Variants in RAD52 observed in about 807,000 individuals in gnomAD.
RAD52 encodes the protein DNA repair protein RAD52 homolog.
Under a neutral mutation model 55.5 loss-of-function variants are expected in RAD52, and 47 were observed. The observed-to-expected ratio is 0.85, with a 90% CI of 0.67 to 1.08. RAD52 has a LOEUF of 1.08. Ranked by LOEUF, RAD52 falls within the 50% of genes least tolerant of loss-of-function variation. The pLI, the probability that RAD52 is intolerant of heterozygous loss-of-function variation, is 0.00. For synonymous variants in RAD52, 184 were observed against 198.9 expected, an observed-to-expected ratio of 0.92 and a Z score of 0.63; for missense variants, 468 against 522.8, an observed-to-expected ratio of 0.90 and a Z score of 1.02.
intron 1 of RAD52, among the ~76,000 whole-genome samples, chr12:941,182 A>G (rs1957900540): frequency 6.6e-6 from 1 of 152,264 alleles, no homozygotes; most frequent in Non-Finnish European, 1.5e-5. Flanking sequence ...GTAGAGAATG[A>G]TAACACATTA....
intron 1 of RAD52, among the ~76,000 whole-genome samples, chr12:971,794 C>CT (rs1248566665): frequency 2.1e-4 from 32 of 151,992 alleles, no homozygotes; most frequent in African/African-American, 7.0e-4. Context: ...GTCGCCCAGG[C>CT]TGGAGTGCAG....
rs1555176185 is a variant in RAD52, at chr12:939,052, T to TTGTGTGTGTGTG, written c.-18-5988_-18-5977dup. Among the ~76,000 whole-genome samples, 158 of 141,116 alleles carry TTGTGTGTGTGTG rather than the reference T, an allele frequency of 1.1e-3. 1 individual carries two copies. Among genetic ancestry groups the TTGTGTGTGTGTG allele is most frequent in the African/African-American group, 3.0e-3 (115 of 37,808 alleles). The allele number at this position is 141,116 out of a possible 152,430, so 92.6% of individuals were successfully genotyped here. A position where few individuals can be genotyped will look rare whatever the true frequency, so the allele number is the denominator to read the frequency against. Reference sequence around the variant, plus strand: ...ACTTACTCTCAATTCATTCAACTAATTGTGTGTGTGTGTGTGTGTGTGTGT... The same window carrying TTGTGTGTGTGTG: ...ACTTACTCTCAATTCATTCAACTAATTGTGTGTGTGTGTGTGTGTGTGTGTGTGTGTGTGTGT... On this transcript the variant is annotated intron_variant, in intron 1 of 11. Transcript: ENST00000358495.
intron 1 of RAD52, among the ~76,000 whole-genome samples, chr12:938,331 G>A (rs1420040802): frequency 6.6e-6 from 1 of 152,166 alleles, no homozygotes; most frequent in Non-Finnish European, 1.5e-5. Context: ...ACTCTCCAAA[G>A]CATCAGTGTC....
Position 929,867 on chromosome 12 carries a change from A to G in RAD52, c.300T>C (p.Asn100=). ...CACAGACTCCCACGTAGAACTTGCC[A>G]TTGTTGAGGTCAACAAAATCTAGGA... ...QQNVDFVDLN[N]GKFYVGVCAF... The change falls in exon 5 of 12, where the codon AAT becomes AAC. Residue 100 remains asparagine, a synonymous_variant. Transcript: ENST00000358495. 6.2e-7 allele frequency: 1 copy of G among 1,614,050 alleles called. No individual in the cohort carries two copies. Among genetic ancestry groups the G allele is most frequent in the Non-Finnish European group, 8.5e-7 (1 of 1,179,910 alleles).
chr12:978,863 G>A (rs58319213), intron 1 of RAD52, among the ~76,000 whole-genome samples: 20,723 of 150,376 alleles, frequency 0.14, 1,906 homozygotes, highest in African/African-American at 0.26. Context: ...CAGAGACTCC[G>A]TCTCTTAAAA....
At chr12:987,939 G>C (rs1959107218) in intron 1 of RAD52, among the ~76,000 whole-genome samples, 2 of 151,770 alleles carry the variant, frequency 1.3e-5, no homozygotes, top group South Asian at 4.2e-4. Context: ...TAAAGTGTTG[G>C]GATTACAGGC....
At chr12:975,054 A>G (rs1958917630) in intron 1 of RAD52, 1 of 152,180 alleles carries the variant, frequency 6.6e-6, no homozygotes. Context: ...ATTATAGTAT[A>G]TTGTTACAAC....
At chr12:949,512 C>CA (rs1958449888) in intron 1 of RAD52, 90 bp downstream of exon 1, 1 of 152,646 alleles carries the variant, frequency 6.6e-6, no homozygotes, top group African/African-American at 2.4e-5. Flanking sequence ...ACCGCAGCCC[C>CA]AGGTTCTCGA....
chr12:936,010 A>C (rs1204209203), intron 1 of RAD52, among the ~76,000 whole-genome samples: 5 of 151,578 alleles, frequency 3.3e-5, no homozygotes, highest in African/African-American at 1.2e-4. Context: ...TCACATTTAA[A>C]GAGCAACTTG....
intron 1 of RAD52, among the ~76,000 whole-genome samples, chr12:969,009 C>T (rs899230575): frequency 2.6e-5 from 4 of 152,084 alleles, no homozygotes; most frequent in Admixed American, 6.5e-5. Flanking sequence ...AAATGGATGG[C>T]TGCATCTGTA....
rs148165100 is a variant in RAD52 at position 912,741 on chromosome 12, AAAAAC to A, written c.*645_*649del. ...CCGTCTCAAAAAAAAAAAAAAAAAA[AAAAAC>A]AAAAAACAGCCTTTTTTCGTGGTCT... On this transcript the variant is annotated 3_prime_UTR_variant, in exon 12 of 12. Transcript: ENST00000358495. 0.016 allele frequency: 1,851 copies of A among 119,358 alleles called. 40 individuals carry two copies. The highest frequency in any genetic ancestry group is 0.024 in the Non-Finnish European group (1,373 of 58,162). The allele number at this position is 119,358 out of a possible 1,614,324, so 7.4% of individuals were successfully genotyped here. A position where few individuals can be genotyped will look rare whatever the true frequency, so the allele number is the denominator to read the frequency against.
intron 1 of RAD52, among the ~76,000 whole-genome samples, chr12:987,782 A>G (rs952836086): frequency 1.3e-5 from 2 of 152,128 alleles, no homozygotes; most frequent in African/African-American, 4.8e-5. Flanking sequence ...GGCTGGTCTT[A>G]AACTCCTGGG....
At chr12:926,452 G>A (rs530314259) in intron 6 of RAD52, among the ~76,000 whole-genome samples, 1 of 152,044 alleles carries the variant, frequency 6.6e-6, no homozygotes, top group African/African-American at 2.4e-5. Flanking sequence ...TGCACTGAGC[G>A]ATGACGGCAC....
intron 7 of RAD52, among the ~76,000 whole-genome samples, chr12:925,033 C>A (rs1285383034): frequency 6.7e-6 from 1 of 150,168 alleles, no homozygotes; most frequent in Non-Finnish European, 1.5e-5. Flanking sequence ...TCACTGCAAG[C>A]TCTGCCTCCC....
chr12:937,059 T>C (rs1592403104), intron 1 of RAD52, among the ~76,000 whole-genome samples: 1 of 152,158 alleles, frequency 6.6e-6, no homozygotes, highest in African/African-American at 2.4e-5. Context: ...TAGAAGTCTA[T>C]GGGAATTAAT....
chr12:913,835 T>G, intron 11 of RAD52, 59 bp downstream of exon 11: 1 of 1,475,114 alleles, frequency 6.8e-7, no homozygotes, highest in Non-Finnish European at 9.4e-7. Flanking sequence ...CCTCAAAAAT[T>G]CCCAGAATTA....
rs960805563 is a variant in RAD52 at position 949,643 on chromosome 12, A to C, written c.-60T>G. 1.3e-5 allele frequency: 2 copies of C among 152,326 alleles called. No individual in the cohort carries two copies. The highest frequency in any genetic ancestry group is 2.9e-5 in the Non-Finnish European group (2 of 68,218). The allele number at this position is 152,326 out of a possible 1,614,324, so 9.4% of individuals were successfully genotyped here. ...GCGGTGCACACAGGGAGCTCGATCT[A>C]GGCTATGGACAAGGGGAAGAGATCT... On this transcript the variant is annotated 5_prime_UTR_variant, in exon 1 of 12. Coordinates refer to ENST00000358495, the MANE Select transcript of RAD52 (RefSeq NM_134424.4).
Position 949,689 on chromosome 12 carries a change from G to C in RAD52, c.-106C>G, listed in dbSNP as rs1958464636. On this transcript the variant is annotated 5_prime_UTR_variant, in exon 1 of 12. Transcript: ENST00000358495. ...GATCTTAGATGGAGGCCGCGCAGAGGAGAATGGGAAGGGTGCGCGAGCGTC... is the reference window on the plus strand; with the variant it reads ...GATCTTAGATGGAGGCCGCGCAGAGCAGAATGGGAAGGGTGCGCGAGCGTC... 6.6e-6 allele frequency: 1 copy of C among 152,284 alleles called. No homozygotes were observed. Among genetic ancestry groups the C allele is most frequent in the South Asian group, 2.1e-4 (1 of 4,834 alleles). The allele number at this position is 152,284 out of a possible 1,614,324, so 9.4% of individuals were successfully genotyped here.
chr12:914,526 G>A lies in RAD52; in HGVS notation c.872C>T (p.Pro291Leu), dbSNP rs1302688211. The change falls in exon 10 of 12, where the codon CCT (proline) becomes CTT (leucine). Residue 291 changes from proline to leucine, a missense_variant. Physicochemically the swap from Pro to Leu is moderately conservative, Grantham distance 98 (BLOSUM62 -3). Coordinates refer to ENST00000358495, the MANE Select transcript of RAD52 (RefSeq NM_134424.4). ...TPSAEKSEAA[P>L]PAPPVTHSTP... ...GCTGTGCGTCACAGGAGGGGCCGGA[G>A]GCGCTGCTACGGTTCACAGAGGAGA... 4 of 1,613,448 alleles carry A rather than the reference G, an allele frequency of 2.5e-6. No individual in the cohort carries two copies. Among genetic ancestry groups the A allele is most frequent in the Non-Finnish European group, 3.4e-6 (4 of 1,179,872 alleles).
Sources: allele counts gnomAD v4.1 joint callset (sites outside exome capture counted in the v4.1 genomes callset), GRCh38; gene constraint gnomAD v4.1.1; transcripts MANE v1.5; gene names NCBI Gene and HGNC (gene_info 2026-07-23, HGNC 2026-07-21).